CHST9: variants seen among roughly 807,000 people sequenced by gnomAD.
The protein encoded by CHST9 is GalNAc-4-sulfotransferase 2.
Under a neutral mutation model 44.4 loss-of-function variants are expected in CHST9, and 41 were observed. That is an observed-to-expected ratio of 0.92 (90% CI 0.72 to 1.20). The LOEUF (loss-of-function observed/expected upper bound fraction) is 1.20, where lower values mean the gene tolerates loss of function less well. CHST9 is among the 50% of genes most tolerant of loss of function. The pLI, the probability that CHST9 is intolerant of heterozygous loss-of-function variation, is 0.00. For synonymous variants in CHST9, 171 were observed against 178.4 expected, an observed-to-expected ratio of 0.96 and a Z score of 0.33; for missense variants, 504 against 516.5, an observed-to-expected ratio of 0.98 and a Z score of 0.23.
intron 2 of CHST9, among the ~76,000 whole-genome samples, chr18:27,061,610 G>C (rs75462707): frequency 6.6e-6 from 1 of 152,258 alleles, no homozygotes; most frequent in African/African-American, 2.4e-5. Context: ...GATCTCTGGA[G>C]GAGGGGACCA....
At chr18:27,046,623 A>G (rs2057503341) in intron 3 of CHST9, among the ~76,000 whole-genome samples, 1 of 151,892 alleles carries the variant, frequency 6.6e-6, no homozygotes, top group Non-Finnish European at 1.5e-5. Context: ...ACTTTATCTA[A>G]AGAAGTCTAC....
chr18:27,063,460 T>G (rs1598689790), intron 2 of CHST9, among the ~76,000 whole-genome samples: 1 of 152,330 alleles, frequency 6.6e-6, no homozygotes, highest in Non-Finnish European at 1.5e-5. Context: ...ATCATCAAAT[T>G]TATTGTACAT....
intron 4 of CHST9, among the ~76,000 whole-genome samples, chr18:26,953,408 G>C (rs1054708868): frequency 6.6e-6 from 1 of 152,090 alleles, no homozygotes; most frequent in Admixed American, 6.6e-5. Context: ...AATTTGGGGG[G>C]CAATTATGGT....
chr18:27,045,046 GAAA>G (rs767297866), intron 3 of CHST9, among the ~76,000 whole-genome samples: 1 of 100,830 alleles, frequency 9.9e-6, no homozygotes, highest in Non-Finnish European at 2.2e-5. Flanking sequence ...TTTGAGTTGA[GAAA>G]AAAAAAAAAA....
At chr18:26,991,259 GGAAT>G (rs1239143099) in intron 4 of CHST9, among the ~76,000 whole-genome samples, 1 of 151,998 alleles carries the variant, frequency 6.6e-6, no homozygotes, top group East Asian at 1.9e-4. Flanking sequence ...ATTTGAAAGT[GGAAT>G]CCTCTTAATT....
At chr18:27,005,770 C>T (rs1211485567) in intron 4 of CHST9, among the ~76,000 whole-genome samples, 1 of 152,086 alleles carries the variant, frequency 6.6e-6, no homozygotes, top group East Asian at 1.9e-4. Context: ...GGGGGAAGCT[C>T]TTCCTAGCTA....
intron 2 of CHST9, among the ~76,000 whole-genome samples, chr18:27,085,846 T>C (rs952928708): frequency 6.6e-6 from 1 of 152,282 alleles, no homozygotes; most frequent in Middle Eastern, 3.4e-3. Flanking sequence ...CTGTTCACAC[T>C]AGCAAAGACA....
intron 3 of CHST9, among the ~76,000 whole-genome samples, chr18:27,045,059 A>T (rs2057484387): frequency 6.6e-6 from 1 of 151,956 alleles, no homozygotes; most frequent in Admixed American, 6.6e-5. Context: ...AAAAAAAAAA[A>T]AACCATTGTT....
At chr18:26,992,620 C>T (rs951507742) in intron 4 of CHST9, among the ~76,000 whole-genome samples, 21 of 143,112 alleles carry the variant, frequency 1.5e-4, no homozygotes, top group African/African-American at 4.9e-4. Context: ...GAAATTCTTT[C>T]TTTTTTTTTT....
intron 4 of CHST9, among the ~76,000 whole-genome samples, chr18:26,993,673 A>G (rs1246068686): frequency 2.0e-5 from 3 of 152,258 alleles, no homozygotes; most frequent in East Asian, 3.8e-4. Flanking sequence ...ATTAAACACA[A>G]TCTTAAAAAT....
At chr18:26,975,400 C>T (rs1348730105) in intron 4 of CHST9, among the ~76,000 whole-genome samples, 1 of 151,944 alleles carries the variant, frequency 6.6e-6, no homozygotes, top group African/African-American at 2.4e-5. Flanking sequence ...GTACTCCTTA[C>T]ATAATACCTC....
Position 26,941,579 on chromosome 18 carries a change from C to T in CHST9, c.240+2750G>A, listed in dbSNP as rs190576584. 3.7e-3 allele frequency among the ~76,000 whole-genome samples: 553 copies of T among 151,168 alleles called. 4 individuals carry two copies. The highest frequency in any genetic ancestry group is 6.1e-3 in the Admixed American group (92 of 15,134). On this transcript the variant is annotated intron_variant, in intron 5 of 5. Transcript: ENST00000618847. ...AAACCTATAGAAGATTTCATCTCTA[C>T]AAGTAACATTTTTCAGATAGGAAAT...
intron 4 of CHST9, among the ~76,000 whole-genome samples, chr18:26,962,502 G>T (rs763004698): frequency 2.6e-5 from 4 of 152,124 alleles, no homozygotes; most frequent in Admixed American, 2.6e-4. Context: ...TGCTGGCCAG[G>T]CTGGTCTTGA....
At chr18:27,056,721 A>T (rs2057660685) in intron 2 of CHST9, among the ~76,000 whole-genome samples, 1 of 152,170 alleles carries the variant, frequency 6.6e-6, no homozygotes, top group East Asian at 1.9e-4. Context: ...GTTGTCCTTA[A>T]TAGCATATAA....
intron 4 of CHST9, among the ~76,000 whole-genome samples, chr18:26,953,972 A>T (rs1248982553): frequency 2.0e-5 from 3 of 152,220 alleles, no homozygotes; most frequent in Non-Finnish European, 4.4e-5. Context: ...TTATGAATCT[A>T]TTCCTCTTTC....
chr18:26,910,575 T>G lies in CHST9; in HGVS notation c.*5684A>C, dbSNP rs12458655. 31,561 of 152,068 alleles carry G rather than the reference T, an allele frequency of 0.21. 3,591 individuals are homozygous for G. Among genetic ancestry groups the G allele is most frequent in the Middle Eastern group, 0.33 (95 of 292 alleles). The allele number at this position is 152,068 out of a possible 1,614,324, so 9.4% of individuals were successfully genotyped here. ...ACTATTTTCAGGTGGGCATATAGAATGTAGGGTAACAAATCCCCTGTCATT... is the reference window on the plus strand; with the variant it reads ...ACTATTTTCAGGTGGGCATATAGAAGGTAGGGTAACAAATCCCCTGTCATT... On this transcript the variant is annotated 3_prime_UTR_variant, in exon 6 of 6. Coordinates refer to ENST00000618847, the MANE Select transcript of CHST9 (RefSeq NM_031422.6).
intron 4 of CHST9, among the ~76,000 whole-genome samples, chr18:27,008,367 A>C (rs957298456): frequency 2.4e-4 from 37 of 152,240 alleles, no homozygotes; most frequent in African/African-American, 8.7e-4. Flanking sequence ...CAGCATGGTC[A>C]AGCAGTACTT....
intron 3 of CHST9, among the ~76,000 whole-genome samples, chr18:27,029,226 A>T (rs2057315209): frequency 6.6e-6 from 1 of 152,180 alleles, no homozygotes; most frequent in Non-Finnish European, 1.5e-5. Context: ...AATTCTTGCA[A>T]AAGAAGAGCA....
intron 1 of CHST9, among the ~76,000 whole-genome samples, chr18:27,183,247 A>G (rs74362056): frequency 6.6e-6 from 1 of 152,316 alleles, no homozygotes; most frequent in African/African-American, 2.4e-5. Flanking sequence ...TAATAAGCCA[A>G]ACACAACAGT....
Sources: gnomAD v4.1 joint callset for allele counts (sites outside exome capture counted in the v4.1 genomes callset) on GRCh38, gnomAD v4.1.1 for gene constraint, MANE v1.5 for transcripts, NCBI Gene and HGNC (gene_info 2026-07-23, HGNC 2026-07-21) for gene names.